TTN: variants seen among roughly 807,000 people sequenced by gnomAD.
The protein encoded by TTN is connectin.
In TTN, 1,525 loss-of-function variants were observed where a neutral mutation model predicts 3,223.0. That is an observed-to-expected ratio of 0.47 (90% CI 0.45 to 0.49). TTN has a LOEUF of 0.49. TTN is among the 20% of genes least tolerant of loss of function. The pLI is 0.00. For synonymous variants in TTN, 14,094 were observed against 15,161.0 expected, an observed-to-expected ratio of 0.93 and a Z score of 5.17; for missense variants, 40,786 against 43,424.0, an observed-to-expected ratio of 0.94 and a Z score of 5.40.
In TTN at chr2:178,576,493, C is replaced by G. The variant is rs1169730404; in HGVS notation, c.69715+36G>C. ...GTAATTTAGATAAAATATTGGCACT[C>G]TGGAATGAACGGTGTTGAAAAAGAC... On this transcript the variant is annotated intron_variant, in intron 325 of 362. Coordinates refer to ENST00000589042, the MANE Select transcript of TTN (RefSeq NM_001267550.2). The surrounding 1 kb of genome is among the most constrained non-coding windows in gnomAD (Gnocchi z 4.3). 1 of 1,601,016 alleles carries G rather than the reference C, an allele frequency of 6.2e-7. No individual in the cohort carries two copies. The highest frequency in any genetic ancestry group is 8.5e-7 in the Non-Finnish European group (1 of 1,176,738).
chr2:178,678,444 G>C lies in TTN; in HGVS notation c.33880C>G (p.Pro11294Ala). The C allele has an allele frequency of 6.3e-7, 1 of 1,596,628 alleles. No homozygotes were observed. The highest frequency in any genetic ancestry group is 8.5e-7 in the Non-Finnish European group (1 of 1,171,586). The change falls in exon 144 of 363, where the codon CCT becomes GCT. Residue 11294 changes from proline (P) to alanine (A), a missense_variant. Physicochemically the swap from Pro to Ala is conservative, Grantham distance 27 (BLOSUM62 -1). Transcript: ENST00000589042. The stretch of plus-strand genomic sequence containing the variant: ...GCAGGTGGAGCCTCCACTTTCTTAG[G>C]AGCAGGAACTGGCACCTTCTTCTCA... ...VPEKKVPVPA[P>A]KKVEAPPAKV...
chr2:178,721,981 T>C lies in TTN; in HGVS notation c.22682A>G (p.Tyr7561Cys), dbSNP rs786205544. The C allele has an allele frequency of 2.5e-6, 4 of 1,613,496 alleles. No homozygotes were observed. Among genetic ancestry groups the C allele is most frequent in the Non-Finnish European group, 2.5e-6 (3 of 1,179,638 alleles). ...AGTGTTTCCCACACATGTGATTGTA[T>C]AGTTTCCTCCAGGACGGATCTCCTT... is the stretch of plus-strand genomic sequence containing the variant. ...DNKEIRPGGN[Y>C]TITCVGNTPH... The change falls in exon 78 of 363, where the codon TAT becomes TGT. Residue 7561 changes from tyrosine (Y) to cysteine (C), a missense_variant. Coordinates refer to ENST00000589042, the MANE Select transcript of TTN (RefSeq NM_001267550.2).
chr2:178,645,106 T>A (rs1233455505), intron 217 of TTN: 1 of 152,172 alleles, frequency 6.6e-6, no homozygotes, highest in Non-Finnish European at 1.5e-5. Context: ...TATATCTAGA[T>A]AATTTTAGAT....
intron 147 of TTN, 52 bp from the exon 148 acceptor site, chr2:178,676,047 A>G: frequency 6.6e-7 from 1 of 1,524,982 alleles, no homozygotes; most frequent in Non-Finnish European, 8.9e-7. Flanking sequence ...ACAAAAAAAG[A>G]GAAACCAAGA....
intron 264 of TTN, 41 bp downstream of exon 264, chr2:178,613,120 T>C (rs749538692): frequency 9.9e-6 from 16 of 1,609,708 alleles, no homozygotes; most frequent in African/African-American, 2.7e-5. Flanking sequence ...AAGGAGTTCA[T>C]ATGAACTTCG....
At position 178,710,617 on chromosome 2, in the gene TTN, T is replaced by C. The variant is rs1158617775; in HGVS notation, c.28462+18A>G. 2.5e-6 allele frequency: 4 copies of C among 1,590,260 alleles called. No homozygotes were observed. The African/African-American group carries it at 5.4e-5, about 21-fold the overall frequency. On this transcript the variant is annotated intron_variant, in intron 98 of 362. Transcript: ENST00000589042. ...AATGATTACACTTTTGTTGGACCAC[T>C]TGCAAAATAAACGATACCTTTTATA...
chr2:178,590,014 C>A lies in TTN; in HGVS notation c.61711G>T (p.Gly20571Trp). The A allele has an allele frequency of 6.2e-7, 1 of 1,613,162 alleles. No homozygotes were observed. The highest frequency in any genetic ancestry group is 8.5e-7 in the Non-Finnish European group (1 of 1,179,502). The change falls in exon 304 of 363, where the codon GGG (glycine) becomes TGG (tryptophan). Residue 20571 changes from glycine to tryptophan, a missense_variant. Transcript: ENST00000589042. ...SAIVNVLDRP[G>W]PCQNLKVTNV... is the part of the protein sequence containing the mutation. ...GTAACCTTCAAATTCTGGCAAGGCC[C>A]AGGTCTGTCAAGGACGTTAACGATG...
Position 178,673,708 on chromosome 2 carries a change from G to T in TTN, c.34711C>A (p.Pro11571Thr). The T allele has an allele frequency of 6.3e-7, 1 of 1,585,374 alleles. No individual in the cohort carries two copies. The highest frequency in any genetic ancestry group is 1.2e-5 in the South Asian group (1 of 83,282). The change falls in exon 152 of 363, where the codon CCT (proline) becomes ACT (threonine). Residue 11571 changes from proline to threonine, a missense_variant and splice_region_variant. Transcript: ENST00000589042. ...EVEEVAPPRV[P>T]EVIKKAVPEA... ...GGTACTGCTTTCTTAATCACTTCAG[G>T]CACTTAAAAGAAATTTTATGAACAT... is the stretch of plus-strand genomic sequence containing the variant.
intron 1 of TTN, among the ~76,000 whole-genome samples, chr2:178,806,843 T>C (rs1020584338): frequency 2.0e-5 from 3 of 152,232 alleles, no homozygotes; most frequent in African/African-American, 7.2e-5. Flanking sequence ...AGAGCTATTC[T>C]TGGTGTGCTT....
Position 178,718,855 on chromosome 2 carries a change from G to A in TTN, c.24345C>T (p.Ser8115=), listed in dbSNP as rs72648977. 1.1e-3 allele frequency: 1,850 copies of A among 1,613,646 alleles called. 26 individuals are homozygous for A. The African/African-American group carries it at 0.023, about 20-fold the overall frequency. ...ATGACTCCCCAGGCACCAGTTCCCTGCTGCCTTTAAACCACTTGACCTTGA... is the reference window on the plus strand; with the variant it reads ...ATGACTCCCCAGGCACCAGTTCCCTACTGCCTTTAAACCACTTGACCTTGA... ...PPFKVKWFKG[S]RELVPGESCN... Residue 8115 remains serine (S), a synonymous_variant, in exon 84 of 363, where the codon AGC becomes AGT. Coordinates refer to ENST00000589042, the MANE Select transcript of TTN (RefSeq NM_001267550.2).
rs368199297 is a variant in TTN at position 178,704,142 on chromosome 2, C to T, written c.30223+5G>A. 1.3e-5 allele frequency: 21 copies of T among 1,612,978 alleles called. No homozygotes were observed. The highest frequency in any genetic ancestry group is 1.7e-5 in the Non-Finnish European group (20 of 1,179,660). ...CCCACAAGGACTCCATAGTGTTTCA[C>T]GCACCTTCGATTCTGAGTTCTGCTG... On this transcript the variant is annotated splice_donor_5th_base_variant and intron_variant, in intron 106 of 362. Transcript: ENST00000589042.
Position 178,591,179 on chromosome 2 carries a change from C to A in TTN, c.60546G>T (p.Leu20182=). Reference sequence around the variant, plus strand: ...TAGTCATGTGTTCAGGAGTAACATCCAGAATATTAATAGGACCTGTTGGTG... The same window carrying A: ...TAGTCATGTGTTCAGGAGTAACATCAAGAATATTAATAGGACCTGTTGGTG... The part of the protein sequence containing the change: ...PGPPTGPINI[L]DVTPEHMTIS... Residue 20182 remains leucine, a synonymous_variant, in exon 304 of 363, where the codon CTG becomes CTT. Transcript: ENST00000589042. 1 of 1,613,308 alleles carries A rather than the reference C, an allele frequency of 6.2e-7. No individual in the cohort carries two copies. The highest frequency in any genetic ancestry group is 8.5e-7 in the Non-Finnish European group (1 of 1,179,542).
chr2:178,553,668 C>T lies in TTN; in HGVS notation c.89337G>A (p.Glu29779=). The change falls in exon 334 of 363, where the codon GAG becomes GAA. Residue 29779 remains glutamate, a synonymous_variant. Transcript: ENST00000589042. ...YVVEIRQGEE[E]EWTTVSTKGE... ...CTTTGGTAGAGACAGTAGTCCATTC[C>T]TCTTCCTCTCCTTGTCTTATCTCGA... 6.2e-7 allele frequency: 1 copy of T among 1,613,862 alleles called. No homozygotes were observed. Among genetic ancestry groups the T allele is most frequent in the Non-Finnish European group, 8.5e-7 (1 of 1,179,810 alleles).
chr2:178,800,885 T>C (rs1207236658), intron 3 of TTN, among the ~76,000 whole-genome samples: 1 of 152,226 alleles, frequency 6.6e-6, no homozygotes, highest in Non-Finnish European at 1.5e-5. Flanking sequence ...CACCACCATA[T>C]TTTATTTTAT....
chr2:178,805,473 T>C (rs2094274909), intron 1 of TTN, among the ~76,000 whole-genome samples: 1 of 152,212 alleles, frequency 6.6e-6, no homozygotes, highest in Non-Finnish European at 1.5e-5. Flanking sequence ...TTGACATTGA[T>C]TCAGACATTA....
At chr2:178,766,116 G>A (rs1334085289) in intron 41 of TTN, among the ~76,000 whole-genome samples, 2 of 152,172 alleles carry the variant, frequency 1.3e-5, no homozygotes, top group Non-Finnish European at 2.9e-5. Flanking sequence ...ATATGAAAAT[G>A]GACACCCAAT....
chr2:178,616,015 A>G (rs961534617), intron 257 of TTN, among the ~76,000 whole-genome samples: 3 of 151,968 alleles, frequency 2.0e-5, no homozygotes, highest in African/African-American at 7.2e-5. Context: ...AAAGATGGCA[A>G]ATGAGGTGTT....
Position 178,629,453 on chromosome 2 carries a change from A to C in TTN, c.44282-10T>G. On this transcript the variant is annotated splice_polypyrimidine_tract_variant and intron_variant, in intron 239 of 362. Transcript: ENST00000589042. ...AGACCAATTACTCGTGCTTTTCGAG[A>C]GGGAAGAAACAGCTTTGCGTTACTC... 6.2e-7 allele frequency: 1 copy of C among 1,612,666 alleles called. No homozygotes were observed. Among genetic ancestry groups the C allele is most frequent in the Non-Finnish European group, 8.5e-7 (1 of 1,179,140 alleles).
chr2:178,763,350 C>A (rs1369290061), intron 43 of TTN, among the ~76,000 whole-genome samples: 3 of 152,202 alleles, frequency 2.0e-5, no homozygotes, highest in African/African-American at 7.2e-5. Flanking sequence ...GTGCTATGTG[C>A]TGACTTGAGT....
Sources: gnomAD v4.1 joint callset for allele counts (sites outside exome capture counted in the v4.1 genomes callset) on GRCh38, gnomAD v4.1.1 for gene constraint, Gnocchi (gnomAD v3.1) non-coding constraint, MANE v1.5 for transcripts, NCBI Gene and HGNC (gene_info 2026-07-23, HGNC 2026-07-21) for gene names.